RFTN1: variants seen among roughly 807,000 people sequenced by gnomAD.
RFTN1 encodes the protein raftlin, lipid raft linker 1, also known as raftlin.
Under a neutral mutation model 46.5 loss-of-function variants are expected in RFTN1, and 26 were observed. The ratio of observed to expected loss-of-function variants is 0.56; its 90% CI spans 0.41 to 0.78. RFTN1 has a LOEUF of 0.78. Among genes scored for constraint, RFTN1 ranks in the 30% least tolerant of loss-of-function variants. The pLI, the probability that RFTN1 is intolerant of heterozygous loss-of-function variation, is 0.00. For synonymous variants in RFTN1, 261 were observed against 284.2 expected (o/e 0.92, Z 0.82); for missense variants, 693 against 718.7 (o/e 0.96, Z 0.41).
At chr3:16,491,944 A>T (rs1258791271) in intron 2 of RFTN1, among the ~76,000 whole-genome samples, 3 of 152,178 alleles carry the variant, frequency 2.0e-5, no homozygotes, top group East Asian at 1.9e-4. Context: ...GCACTTAAAA[A>T]TTCACTGAAC....
At chr3:16,349,859 G>C (rs2071973339) in intron 7 of RFTN1, 1 of 152,234 alleles carries the variant, frequency 6.6e-6, no homozygotes, top group South Asian at 2.1e-4. Flanking sequence ...AGTTTGCAGG[G>C]TAGCCCAGCA....
chr3:16,437,974 A>AGT (rs1471784015), intron 2 of RFTN1, among the ~76,000 whole-genome samples: 1 of 152,174 alleles, frequency 6.6e-6, no homozygotes, highest in Non-Finnish European at 1.5e-5. Flanking sequence ...TTTTGGTAGG[A>AGT]GTGTAGGGCT....
rs976074996 is a variant in RFTN1, at chr3:16,468,871, T to C, written c.145+24854A>G. Among the ~76,000 whole-genome samples, 52 of 152,328 alleles carry C rather than the reference T, an allele frequency of 3.4e-4. No individual in the cohort carries two copies. Among genetic ancestry groups the C allele is most frequent in the African/African-American group, 1.2e-3 (48 of 41,576 alleles). On this transcript the variant is annotated intron_variant, in intron 2 of 9. Coordinates refer to ENST00000334133, the MANE Select transcript of RFTN1 (RefSeq NM_015150.2). This position sits in a 1 kb window ranked among gnomAD's most constrained non-coding sequence, Gnocchi z 4.4. ...TTAGACACAGCCAGAAAAGGGTACG[T>C]ATGCTTCCCCTTCCTGTGGCTGGCC...
Position 16,353,778 on chromosome 3 carries a change from A to G in RFTN1, c.1146+4154T>C, listed in dbSNP as rs1247637300. ...CCTGTGCGTGCTCAGAGGCAAGGGC[A>G]TATGAGGATACAGTGAGAAGGAAGC... is the stretch of plus-strand genomic sequence containing the variant. On this transcript the variant is annotated intron_variant, in intron 7 of 9. Transcript: ENST00000334133. The surrounding 1 kb of genome is among the most constrained non-coding windows in gnomAD (Gnocchi z 5.4). 6.6e-6 allele frequency among the ~76,000 whole-genome samples: 1 copy of G among 152,204 alleles called. No homozygotes were observed. Among genetic ancestry groups the G allele is most frequent in the East Asian group, 1.9e-4 (1 of 5,192 alleles).
intron 7 of RFTN1, among the ~76,000 whole-genome samples, chr3:16,357,066 G>T (rs909039449): frequency 1.3e-4 from 20 of 148,862 alleles, no homozygotes; most frequent in African/African-American, 4.7e-4. Context: ...AGTGAGCCAA[G>T]ATCGCGCCAC....
At chr3:16,347,304 G>T (rs986329837) in intron 7 of RFTN1, among the ~76,000 whole-genome samples, 1 of 152,204 alleles carries the variant, frequency 6.6e-6, no homozygotes, top group Non-Finnish European at 1.5e-5. Flanking sequence ...ATTTTCTAGG[G>T]GGGGCTATAA....
At chr3:16,436,134 A>AT (rs557656190) in intron 2 of RFTN1, among the ~76,000 whole-genome samples, 19 of 151,328 alleles carry the variant, frequency 1.3e-4, no homozygotes, top group African/African-American at 4.6e-4. Context: ...TGTAATTTGT[A>AT]TTTTTTCTTA....
intron 1 of RFTN1, among the ~76,000 whole-genome samples, chr3:16,501,701 A>G (rs2076713281): frequency 6.6e-6 from 1 of 152,222 alleles, no homozygotes; most frequent in Non-Finnish European, 1.5e-5. Context: ...CAGTCATCCA[A>G]AGTAAGAACT....
In RFTN1 at chr3:16,357,929, T is replaced by TACTTCCAGGACTGTCC; in HGVS notation, c.1133_1146+2dup. The TACTTCCAGGACTGTCC allele has an allele frequency of 1.3e-6, 2 of 1,593,538 alleles. No homozygotes were observed. The highest frequency in any genetic ancestry group is 1.7e-6 in the Non-Finnish European group (2 of 1,162,286). Reference sequence around the variant, plus strand: ...GAAGCGGGGCTGCCAACCCCACACTTACTTCCAGGACTGTCCATTGTTCAA... The same window carrying TACTTCCAGGACTGTCC: ...GAAGCGGGGCTGCCAACCCCACACTTACTTCCAGGACTGTCCACTTCCAGGACTGTCCATTGTTCAA... On this transcript the variant is annotated splice_region_variant and intron_variant, in intron 7 of 9. Transcript: ENST00000334133.
At position 16,345,264 on chromosome 3, in the gene RFTN1, T is replaced by TGTGTGTG. The variant is rs1553725944; in HGVS notation, c.1146+12667_1146+12668insCACACAC. On this transcript the variant is annotated intron_variant, in intron 7 of 9. Transcript: ENST00000334133. The surrounding 1 kb of genome is among the most constrained non-coding windows in gnomAD (Gnocchi z 5.2). ...AAACTGTAAGATAATAAGTAGGTGG[T>TGTGTGTG]TGTGTGTGTGTGTGTGTGTGTGTGT... 6.9e-6 allele frequency: 1 copy of TGTGTGTG among 145,838 alleles called. No homozygotes were observed. The highest frequency in any genetic ancestry group is 2.6e-5 in the African/African-American group (1 of 37,754). The allele number at this position is 145,838 out of a possible 1,614,324, so 9.0% of individuals were successfully genotyped here.
Position 16,322,547 on chromosome 3 carries a change from T to C in RFTN1, c.1332+829A>G, listed in dbSNP as rs2069187497. Reference sequence around the variant, plus strand: ...GAGCTGAATCCAGGTGATGCCTGACTCAGGCTTTGGTGTGTCCACTCGACT... The same window carrying C: ...GAGCTGAATCCAGGTGATGCCTGACCCAGGCTTTGGTGTGTCCACTCGACT... On this transcript the variant is annotated intron_variant, in intron 9 of 9. Coordinates refer to ENST00000334133, the MANE Select transcript of RFTN1 (RefSeq NM_015150.2). The surrounding 1 kb of genome is among the most constrained non-coding windows in gnomAD (Gnocchi z 6.2). Among the ~76,000 whole-genome samples the C allele has an allele frequency of 6.6e-6, 1 of 152,302 alleles. No homozygotes were observed. The highest frequency in any genetic ancestry group is 2.1e-4 in the South Asian group (1 of 4,830).
chr3:16,450,813 A>C lies in RFTN1; in HGVS notation c.146-16776T>G, dbSNP rs1466526381. 6.6e-6 allele frequency among the ~76,000 whole-genome samples: 1 copy of C among 152,018 alleles called. No homozygotes were observed. The highest frequency in any genetic ancestry group is 1.5e-5 in the Non-Finnish European group (1 of 67,976). Reference sequence around the variant, plus strand: ...TTTTCCATCATAAGAAAACAAAGCCAAAGAGATGGCTGGGAGATGAGGGAG... The same window carrying C: ...TTTTCCATCATAAGAAAACAAAGCCCAAGAGATGGCTGGGAGATGAGGGAG... On this transcript the variant is annotated intron_variant, in intron 2 of 9. Coordinates refer to ENST00000334133, the MANE Select transcript of RFTN1 (RefSeq NM_015150.2). This position sits in a 1 kb window ranked among gnomAD's most constrained non-coding sequence, Gnocchi z 4.6.
chr3:16,470,408 G>A lies in RFTN1; in HGVS notation c.145+23317C>T, dbSNP rs530950665. Among the ~76,000 whole-genome samples the A allele has an allele frequency of 2.4e-4, 37 of 152,334 alleles. No homozygotes were observed. The Middle Eastern group carries it at 0.01, about 42-fold the overall frequency. On this transcript the variant is annotated intron_variant, in intron 2 of 9. Transcript: ENST00000334133. ...CTGATGGCTTTTAGCCCAAGGGCAG[G>A]CCCTGGTTGGTACCACAGGAGCAGC...
rs973004101 is a variant in RFTN1 at position 16,480,535 on chromosome 3, G to T, written c.145+13190C>A. 8.5e-5 allele frequency among the ~76,000 whole-genome samples: 13 copies of T among 152,198 alleles called. No individual in the cohort carries two copies. Among genetic ancestry groups the T allele is most frequent in the South Asian group, 2.1e-4 (1 of 4,830 alleles). ...CAAAGAAGAGTATGCCTGAAACACAGAACTGAGGAAATGACCTTCTAGACT... is the reference window on the plus strand; with the variant it reads ...CAAAGAAGAGTATGCCTGAAACACATAACTGAGGAAATGACCTTCTAGACT... On this transcript the variant is annotated intron_variant, in intron 2 of 9. Coordinates refer to ENST00000334133, the MANE Select transcript of RFTN1 (RefSeq NM_015150.2). The surrounding 1 kb of genome is among the most constrained non-coding windows in gnomAD (Gnocchi z 4.3).
rs1481018370 is a variant in RFTN1 at position 16,341,659 on chromosome 3, CT to C, written c.1147-14784del. On this transcript the variant is annotated intron_variant, in intron 7 of 9. Transcript: ENST00000334133. This position sits in a 1 kb window ranked among gnomAD's most constrained non-coding sequence, Gnocchi z 4.7. Reference sequence around the variant, plus strand: ...AAAAAGTAAGGACCTTGAATCAAAACTGACATGAATTACTATACAAGAGCAA... The same window carrying C: ...AAAAAGTAAGGACCTTGAATCAAAACGACATGAATTACTATACAAGAGCAA... Among the ~76,000 whole-genome samples the C allele has an allele frequency of 2.2e-4, 34 of 152,120 alleles. No individual in the cohort carries two copies. Among genetic ancestry groups the C allele is most frequent in the African/African-American group, 8.0e-4 (33 of 41,440 alleles).
rs1201674991 is a variant in RFTN1 at position 16,507,633 on chromosome 3, C to T, written c.-9+5809G>A. Among the ~76,000 whole-genome samples the T allele has an allele frequency of 2.0e-5, 3 of 151,320 alleles. No individual in the cohort carries two copies. Among genetic ancestry groups the T allele is most frequent in the African/African-American group, 7.3e-5 (3 of 40,988 alleles). On this transcript the variant is annotated intron_variant, in intron 1 of 9. Coordinates refer to ENST00000334133, the MANE Select transcript of RFTN1 (RefSeq NM_015150.2). This position sits in a 1 kb window ranked among gnomAD's most constrained non-coding sequence, Gnocchi z 7.1. ...ACACACACACACACATACACACACA[C>T]ATGCACACATCCACAAACACGCACA...
intron 3 of RFTN1, among the ~76,000 whole-genome samples, chr3:16,412,522 T>C (rs369167521): frequency 6.6e-6 from 1 of 152,202 alleles, no homozygotes; most frequent in South Asian, 2.1e-4. Flanking sequence ...TTTCTGGGCT[T>C]CTCAGCACTG....
chr3:16,454,704 C>A, intron 2 of RFTN1: 16 of 945,592 alleles, frequency 1.7e-5, no homozygotes, highest in Non-Finnish European at 2.0e-5. Context: ...CTTCACAACT[C>A]TTTCTAGAAG....
chr3:16,497,436 C>A (rs893632271), intron 1 of RFTN1, among the ~76,000 whole-genome samples: 1 of 152,154 alleles, frequency 6.6e-6, no homozygotes, highest in Admixed American at 6.5e-5. Context: ...TCTGAGAAGG[C>A]GAAAGGACTC....
Sources: allele counts gnomAD v4.1 joint callset (sites outside exome capture counted in the v4.1 genomes callset), GRCh38; gene constraint gnomAD v4.1.1; non-coding constraint Gnocchi (gnomAD v3.1); transcripts MANE v1.5; gene names NCBI Gene and HGNC (gene_info 2026-07-23, HGNC 2026-07-21).